The following SDK1 variants were observed in gnomAD, a reference collection of about 807,000 sequenced individuals.
The protein encoded by SDK1 is protein sidekick-1.
A neutral mutation model predicts 245.5 loss-of-function variants in SDK1; 157 were observed. The ratio of observed to expected loss-of-function variants is 0.64; its 90% CI spans 0.56 to 0.73. The LOEUF is 0.73. Among genes scored for constraint, SDK1 ranks in the 30% least tolerant of loss-of-function variants. SDK1 has a pLI of 0.00. For missense variants in SDK1, 3,583 were observed against 3,002.3 expected, an observed-to-expected ratio of 1.19 and a Z score of -4.52; for synonymous variants, 1,647 against 1,278.5, an observed-to-expected ratio of 1.29 and a Z score of -6.15.
Position 4,132,358 on chromosome 7 carries a change from A to C in SDK1, c.4163A>C (p.Glu1388Ala). Residue 1388 changes from glutamate (E) to alanine (A), a missense_variant, in exon 28 of 45, where the codon GAA becomes GCA. Coordinates refer to ENST00000404826, the MANE Select transcript of SDK1 (RefSeq NM_152744.4). ...CCACCAGTGAGGCTCGTGTTCCCCG[A>C]AGTGAGACTCACCTCCGTGCGGATA... ...PGPPVRLVFP[E>A]VRLTSVRIVW... 6.2e-7 allele frequency: 1 copy of C among 1,612,792 alleles called. No homozygotes were observed. The highest frequency in any genetic ancestry group is 8.5e-7 in the Non-Finnish European group (1 of 1,179,188).
rs78724190 is a variant in SDK1 at position 3,762,105 on chromosome 7, C to G, written c.714-59345C>G. 5.8e-3 allele frequency among the ~76,000 whole-genome samples: 876 copies of G among 152,306 alleles called. 7 individuals are homozygous for G. Among genetic ancestry groups the G allele is most frequent in the African/African-American group, 0.02 (819 of 41,542 alleles). ...AAATAAATGTTTACACTGAATGATT[C>G]AGGAATGAGCACATAACAGCGGTTT... On this transcript the variant is annotated intron_variant, in intron 4 of 44. Coordinates refer to ENST00000404826, the MANE Select transcript of SDK1 (RefSeq NM_152744.4).
At chr7:3,702,378 T>C (rs1784765196) in intron 4 of SDK1, among the ~76,000 whole-genome samples, 1 of 152,226 alleles carries the variant, frequency 6.6e-6, no homozygotes, top group Non-Finnish European at 1.5e-5. Context: ...AAAGCAACTG[T>C]GTCTTTTTCA....
At chr7:3,910,769 T>C (rs752078353) in intron 5 of SDK1, among the ~76,000 whole-genome samples, 5 of 152,246 alleles carry the variant, frequency 3.3e-5, no homozygotes, top group Non-Finnish European at 7.3e-5. Flanking sequence ...TCTGCCTGAA[T>C]GGCTGATGAT....
chr7:3,528,816 AG>A (rs1308232716), intron 1 of SDK1, among the ~76,000 whole-genome samples: 1 of 152,022 alleles, frequency 6.6e-6, no homozygotes, highest in Non-Finnish European at 1.5e-5. Context: ...AAAAAGTGGA[AG>A]ACTCAGAGAG....
chr7:3,783,386 G>A lies in SDK1; in HGVS notation c.714-38064G>A, dbSNP rs28846162. On this transcript the variant is annotated intron_variant, in intron 4 of 44. Transcript: ENST00000404826. ...AGTTAGGCAAGAAAAATAAATAGAA[G>A]GCATCGTAATAGGAAAGGAAGAGCT... Among the ~76,000 whole-genome samples, 839 of 151,870 alleles carry A rather than the reference G, an allele frequency of 5.5e-3. 8 individuals carry two copies. Among genetic ancestry groups the A allele is most frequent in the African/African-American group, 0.019 (806 of 41,410 alleles).
intron 44 of SDK1, among the ~76,000 whole-genome samples, chr7:4,248,882 T>C (rs1192101368): frequency 6.7e-6 from 1 of 148,492 alleles, no homozygotes; most frequent in East Asian, 2.0e-4. Context: ...CATACCTAAA[T>C]ACAAGTACAA....
chr7:3,346,541 T>G (rs548736689), intron 1 of SDK1, among the ~76,000 whole-genome samples: 5 of 151,708 alleles, frequency 3.3e-5, no homozygotes, highest in African/African-American at 1.2e-4. Context: ...ATAGTCAAGG[T>G]CTCACTCTGT....
At chr7:4,261,204 G>A (rs970623207) in intron 44 of SDK1, among the ~76,000 whole-genome samples, 6 of 152,116 alleles carry the variant, frequency 3.9e-5, no homozygotes, top group African/African-American at 7.2e-5. Context: ...CCTAGGTGCC[G>A]GACGGTGTCG....
chr7:3,907,887 C>T (rs1779010278), intron 5 of SDK1, among the ~76,000 whole-genome samples: 1 of 152,142 alleles, frequency 6.6e-6, no homozygotes, highest in South Asian at 2.1e-4. Flanking sequence ...TTCAGTGGAA[C>T]TAGAATACTT....
chr7:4,240,072 G>A (rs547889885), intron 42 of SDK1, among the ~76,000 whole-genome samples: 3 of 152,222 alleles, frequency 2.0e-5, no homozygotes, highest in African/African-American at 4.8e-5. Context: ...ACAAGTGTTC[G>A]TAAATCAGAT....
At chr7:3,959,587 G>T (rs1015000983) in intron 8 of SDK1, among the ~76,000 whole-genome samples, 17 of 152,146 alleles carry the variant, frequency 1.1e-4, no homozygotes, top group Admixed American at 3.9e-4. Flanking sequence ...ACCCTTGTGA[G>T]TCCCCATTGT....
chr7:4,115,188 T>C (rs912586747), intron 25 of SDK1, among the ~76,000 whole-genome samples: 2 of 152,166 alleles, frequency 1.3e-5, no homozygotes, highest in Non-Finnish European at 2.9e-5. Flanking sequence ...CTGATCTGAA[T>C]TAGTGAGGTT....
chr7:3,421,305 C>G lies in SDK1; in HGVS notation c.298+119421C>G, dbSNP rs191998238. On this transcript the variant is annotated intron_variant, in intron 1 of 44. Coordinates refer to ENST00000404826, the MANE Select transcript of SDK1 (RefSeq NM_152744.4). ...CAAGCTGGTCTTGAATTCCTGATCT[C>G]CAGTGACCCGCCTGCCCTCCTCGGC... Among the ~76,000 whole-genome samples the G allele has an allele frequency of 1.3e-3, 197 of 152,140 alleles. 2 individuals are homozygous for G. Among genetic ancestry groups the G allele is most frequent in the African/African-American group, 4.5e-3 (187 of 41,526 alleles).
chr7:3,850,775 G>C (rs1033965096), intron 5 of SDK1, among the ~76,000 whole-genome samples: 1 of 150,002 alleles, frequency 6.7e-6, no homozygotes, highest in African/African-American at 2.5e-5. Flanking sequence ...ACCAAACACC[G>C]CATGTTCTCA....
chr7:3,965,742 G>C (rs1464489639), intron 9 of SDK1, among the ~76,000 whole-genome samples: 2 of 128,748 alleles, frequency 1.6e-5, no homozygotes, highest in Non-Finnish European at 3.2e-5. Flanking sequence ...GCAGAAAAGG[G>C]GAGCAGGTGC....
chr7:4,155,708 C>T (rs1040083551), intron 30 of SDK1, among the ~76,000 whole-genome samples: 29 of 152,138 alleles, frequency 1.9e-4, no homozygotes, highest in African/African-American at 5.1e-4. Context: ...ATAGGCAACC[C>T]CCCACCCCAG....
chr7:3,384,074 C>T (rs951339523), intron 1 of SDK1, among the ~76,000 whole-genome samples: 6 of 151,870 alleles, frequency 4.0e-5, no homozygotes, highest in Admixed American at 6.6e-5. Context: ...TAGCTTAGGC[C>T]GTGATTAGGT....
intron 28 of SDK1, among the ~76,000 whole-genome samples, chr7:4,139,457 A>ATATATGTGTGTGTGTG (rs1779336846): frequency 7.4e-6 from 1 of 135,000 alleles, no homozygotes; most frequent in Non-Finnish European, 1.6e-5. Flanking sequence ...ATGTGTGTGT[A>ATATATGTGTGTGTGTG]TATGTATATA....
In SDK1 at chr7:4,114,196, G is replaced by C. The variant is rs141814484; in HGVS notation, c.3745G>C (p.Glu1249Gln). ...GGAGCTGGAGGAGTGGATGGAATAC[G>C]AGCTGCAGATGCAGGCCTTCAACGC... Reference protein sequence around the residue: ...IEELEEWMEYELQMQAFNAVG... With the variant: ...IEELEEWMEYQLQMQAFNAVG... Residue 1249 changes from glutamate (E) to glutamine (Q), a missense_variant, in exon 25 of 45, where the codon GAG (glutamate) becomes CAG (glutamine). Transcript: ENST00000404826. 848 of 1,614,006 alleles carry C rather than the reference G, an allele frequency of 5.3e-4. 3 individuals are homozygous for C. The African/African-American group carries it at 9.8e-3, about 19-fold the overall frequency.
Sources: gnomAD v4.1 joint callset for allele counts (sites outside exome capture counted in the v4.1 genomes callset) on GRCh38, gnomAD v4.1.1 for gene constraint, MANE v1.5 for transcripts, NCBI Gene and HGNC (gene_info 2026-07-23, HGNC 2026-07-21) for gene names.